The following YIPF1 variants were observed in gnomAD, a reference collection of about 807,000 sequenced individuals.
YIPF1 encodes Yip1 domain family member 1.
A neutral mutation model predicts 37.0 loss-of-function variants in YIPF1; 22 were observed. The ratio of observed to expected loss-of-function variants is 0.59; its 90% CI spans 0.42 to 0.85. The LOEUF (loss-of-function observed/expected upper bound fraction) is 0.85. Among genes scored for constraint, YIPF1 ranks in the 40% least tolerant of loss-of-function variants. The pLI is 0.00. For synonymous variants in YIPF1, 128 were observed against 131.9 expected (o/e 0.97, Z 0.21); for missense variants, 355 against 373.1 (o/e 0.95, Z 0.40).
intron 4 of YIPF1, among the ~76,000 whole-genome samples, chr1:53,879,608 G>A (rs1650433041): frequency 1.3e-5 from 2 of 152,210 alleles, no homozygotes; most frequent in Non-Finnish European, 1.5e-5. Flanking sequence ...CCAATGCCAG[G>A]AATTGTGCCT....
At position 53,870,496 on chromosome 1, in the gene YIPF1, T is replaced by C. The variant is rs182149702; in HGVS notation, c.481+876A>G. On this transcript the variant is annotated intron_variant, in intron 7 of 10. Transcript: ENST00000072644. The stretch of plus-strand genomic sequence containing the variant: ...CAGCCCAGATTTCTCTTCAGCAAAG[T>C]TGCTAACAGAATAGGCACCAGTTTG... Among the ~76,000 whole-genome samples, 6 of 152,146 alleles carry C rather than the reference T, an allele frequency of 3.9e-5. No homozygotes were observed. In the East Asian group the frequency reaches 1.2e-3, roughly 29 times the overall value.
Position 53,888,300 on chromosome 1 carries a change from T to C in YIPF1, c.31+607A>G, listed in dbSNP as rs78808722. On this transcript the variant is annotated intron_variant, in intron 3 of 10. Coordinates refer to ENST00000072644, the MANE Select transcript of YIPF1 (RefSeq NM_018982.5). ...TCAGGCTCTGGGTTATGAGTCCTAA[T>C]ATCTCCTTGAACTTTTCCTCCAGCA... is the stretch of plus-strand genomic sequence containing the variant. Among the ~76,000 whole-genome samples the C allele has an allele frequency of 9.0e-3, 1,371 of 152,334 alleles. 25 individuals carry two copies. The highest frequency in any genetic ancestry group is 0.03 in the African/African-American group (1,238 of 41,574).
At position 53,860,787 on chromosome 1, in the gene YIPF1, A is replaced by G. The variant is rs75844505; in HGVS notation, c.832-634T>C. ...AATGAAAGGTTTGCTAAGTGCTTCC[A>G]CTCACCATCTACAATTTAACGGTCA... On this transcript the variant is annotated intron_variant, in intron 9 of 10. Coordinates refer to ENST00000072644, the MANE Select transcript of YIPF1 (RefSeq NM_018982.5). Among the ~76,000 whole-genome samples the G allele has an allele frequency of 8.7e-3, 1,329 of 152,302 alleles. 12 individuals carry two copies. Among genetic ancestry groups the G allele is most frequent in the African/African-American group, 0.031 (1,287 of 41,558 alleles).
intron 4 of YIPF1, among the ~76,000 whole-genome samples, chr1:53,881,287 A>T (rs1650495336): frequency 6.6e-6 from 1 of 151,846 alleles, no homozygotes; most frequent in African/African-American, 2.4e-5. Context: ...TCTAGGGAAT[A>T]CCAATCAGGA....
chr1:53,856,086 A>G (rs925829712), intron 10 of YIPF1, among the ~76,000 whole-genome samples: 7 of 152,228 alleles, frequency 4.6e-5, no homozygotes, highest in Non-Finnish European at 8.8e-5. Flanking sequence ...GGCTCTGGAC[A>G]GCCTCTCTAT....
chr1:53,876,063 GAATA>G (rs1650327167), intron 6 of YIPF1, among the ~76,000 whole-genome samples: 1 of 152,168 alleles, frequency 6.6e-6, no homozygotes, highest in African/African-American at 2.4e-5. Context: ...TGAATTGAAT[GAATA>G]AATGAAGACA....
chr1:53,880,684 A>C (rs905526562), intron 4 of YIPF1, among the ~76,000 whole-genome samples: 2 of 152,234 alleles, frequency 1.3e-5, no homozygotes, highest in African/African-American at 4.8e-5. Flanking sequence ...ACAGTAACCA[A>C]AACAGCATGG....
intron 10 of YIPF1, among the ~76,000 whole-genome samples, chr1:53,855,809 T>C (rs190081006): frequency 7.2e-5 from 11 of 152,286 alleles, no homozygotes; most frequent in South Asian, 2.1e-4. Context: ...ATGCATCCCA[T>C]CATTAAGCAA....
intron 10 of YIPF1, among the ~76,000 whole-genome samples, chr1:53,856,441 T>C (rs1245732174): frequency 6.6e-6 from 1 of 152,228 alleles, no homozygotes; most frequent in Admixed American, 6.5e-5. Flanking sequence ...TGCCATTGTG[T>C]TCTCTACCTC....
chr1:53,857,707 C>A (rs991433339), intron 10 of YIPF1, among the ~76,000 whole-genome samples: 3 of 152,080 alleles, frequency 2.0e-5, no homozygotes, highest in Non-Finnish European at 4.4e-5. Flanking sequence ...TCAGGCCGGG[C>A]GCGATGGCTC....
At chr1:53,878,870 C>T (rs1405498197) in intron 4 of YIPF1, 148 bp from the exon 5 acceptor site, 2 of 652,186 alleles carry the variant, frequency 3.1e-6, no homozygotes, top group African/African-American at 3.8e-5. Flanking sequence ...TCTGAAATAG[C>T]CAATTCGCAA....
intron 10 of YIPF1, among the ~76,000 whole-genome samples, chr1:53,856,142 G>C (rs1331705529): frequency 6.6e-6 from 1 of 152,194 alleles, no homozygotes; most frequent in African/African-American, 2.4e-5. Context: ...CAAAGAAGCT[G>C]TTCATCACTA....
At position 53,860,047 on chromosome 1, in the gene YIPF1, A is replaced by G; in HGVS notation, c.*8+9T>C. On this transcript the variant is annotated intron_variant, in intron 10 of 10. Transcript: ENST00000072644. ...CACCACACAGCAAAATAAAAATAGA[A>G]TCTCTTACTTTCCTCATTAGCTGGA... 6.2e-7 allele frequency: 1 copy of G among 1,613,332 alleles called. No homozygotes were observed. The highest frequency in any genetic ancestry group is 8.5e-7 in the Non-Finnish European group (1 of 1,179,412).
intron 3 of YIPF1, 130 bp from the exon 4 acceptor site, chr1:53,883,406 C>A: frequency 9.9e-7 from 1 of 1,005,932 alleles, no homozygotes; most frequent in Non-Finnish European, 1.3e-6. Context: ...AGGGCAAAAG[C>A]TTTGAAAAAC....
At chr1:53,872,579 A>C (rs1650221416) in intron 6 of YIPF1, among the ~76,000 whole-genome samples, 1 of 152,208 alleles carries the variant, frequency 6.6e-6, no homozygotes, top group Admixed American at 6.5e-5. Context: ...CTATCTTTAG[A>C]TTGAGAGATT....
chr1:53,862,639 G>A (rs1006650153), intron 9 of YIPF1, among the ~76,000 whole-genome samples: 3 of 152,128 alleles, frequency 2.0e-5, no homozygotes, highest in East Asian at 1.9e-4. Context: ...ACACCAATCC[G>A]TGTTCCCCAG....
chr1:53,874,799 T>A (rs6695647), intron 6 of YIPF1, among the ~76,000 whole-genome samples: 152,300 of 152,308 alleles, frequency 1, 76,146 homozygotes, highest in Middle Eastern at 1. Flanking sequence ...ATGGTATCAT[T>A]CTATTCATAT....
Position 53,871,487 on chromosome 1 carries a change from G to A in YIPF1, c.366C>T (p.Gly122=). ...CCAACGTGGCACATATCCAAAAGGGGCCTGCAAAGGAAACCAGAAAATTCA... is the reference window on the plus strand; with the variant it reads ...CCAACGTGGCACATATCCAAAAGGGACCTGCAAAGGAAACCAGAAAATTCA... The part of the protein sequence containing the change: ...LYIRSNPDLY[G]PFWICATLVF... Residue 122 remains glycine, a splice_region_variant and synonymous_variant, in exon 7 of 11, where the codon GGC becomes GGT. Transcript: ENST00000072644. The A allele has an allele frequency of 1.2e-6, 2 of 1,609,832 alleles. No individual in the cohort carries two copies. Among genetic ancestry groups the A allele is most frequent in the Non-Finnish European group, 1.7e-6 (2 of 1,178,070 alleles).
chr1:53,872,179 G>A (rs1008996552), intron 6 of YIPF1, among the ~76,000 whole-genome samples: 2 of 152,022 alleles, frequency 1.3e-5, no homozygotes, highest in South Asian at 2.1e-4. Flanking sequence ...AGGGAATATG[G>A]AGAACAGCAA....
Sources: gnomAD v4.1 joint callset for allele counts (sites outside exome capture counted in the v4.1 genomes callset) on GRCh38, gnomAD v4.1.1 for gene constraint, MANE v1.5 for transcripts, NCBI Gene and HGNC (gene_info 2026-07-23, HGNC 2026-07-21) for gene names.